ZFPM1: variants seen among roughly 807,000 people sequenced by gnomAD.
ZFPM1 encodes zinc finger protein ZFPM1.
A neutral mutation model predicts 46.3 loss-of-function variants in ZFPM1; 28 were observed. That is an observed-to-expected ratio of 0.60 (90% CI 0.45 to 0.83). ZFPM1 has a LOEUF of 0.83. ZFPM1 is among the 40% of genes least tolerant of loss of function. The pLI is 0.00. For synonymous variants in ZFPM1, 957 were observed against 675.9 expected (o/e 1.42, Z -6.45); for missense variants, 1,878 against 1,432.4 (o/e 1.31, Z -5.02).
At chr16:88,510,488 T>C (rs1418072918) in intron 3 of ZFPM1, among the ~76,000 whole-genome samples, 2 of 152,238 alleles carry the variant, frequency 1.3e-5, no homozygotes, top group Admixed American at 6.5e-5. Flanking sequence ...ACTTCTCATT[T>C]GGTTCCTCGC....
At chr16:88,515,522 G>C (rs1911242902) in intron 4 of ZFPM1, among the ~76,000 whole-genome samples, 1 of 152,258 alleles carries the variant, frequency 6.6e-6, no homozygotes, top group African/African-American at 2.4e-5. Flanking sequence ...CGTGGGCAGG[G>C]CTGCAAGCTT....
intron 3 of ZFPM1, among the ~76,000 whole-genome samples, chr16:88,509,959 G>C (rs562145363): frequency 6.6e-6 from 1 of 152,084 alleles, no homozygotes; most frequent in Admixed American, 6.5e-5. Context: ...CTGGGGCCTC[G>C]GGGGCAGAGC....
Position 88,533,188 on chromosome 16 carries a change from A to T in ZFPM1, c.1230A>T (p.Gln410His). The change falls in exon 10 of 10, where the codon CAA (glutamine) becomes CAT (histidine). Residue 410 changes from glutamine (Q) to histidine (H), a missense_variant. Gln to His is a conservative substitution (Grantham distance 24). Coordinates refer to ENST00000319555, the MANE Select transcript of ZFPM1 (RefSeq NM_153813.3). The part of the protein sequence containing the change: ...GSFQQQHTAL[Q>H]GPLASADLGL... Reference sequence around the variant, plus strand: ...TCCAGCAGCAGCACACGGCCCTGCAAGGCCCCCTGGCCTCCGCGGACCTGG... The same window carrying T: ...TCCAGCAGCAGCACACGGCCCTGCATGGCCCCCTGGCCTCCGCGGACCTGG... 6.5e-7 allele frequency: 1 copy of T among 1,534,120 alleles called. No individual in the cohort carries two copies. The highest frequency in any genetic ancestry group is 8.7e-7 in the Non-Finnish European group (1 of 1,150,352).
intron 4 of ZFPM1, among the ~76,000 whole-genome samples, chr16:88,515,214 T>C (rs1199294600): frequency 1.3e-5 from 2 of 152,240 alleles, no homozygotes; most frequent in East Asian, 1.9e-4. Flanking sequence ...GGCTGCATCA[T>C]GGGCGGCATA....
chr16:88,517,977 G>T (rs139273652), intron 4 of ZFPM1, among the ~76,000 whole-genome samples: 49 of 152,166 alleles, frequency 3.2e-4, no homozygotes, highest in African/African-American at 1.2e-3. Flanking sequence ...TTGGGAGGCC[G>T]AGGTGGGCGG....
intron 1 of ZFPM1, among the ~76,000 whole-genome samples, chr16:88,464,433 C>T (rs1205250949): frequency 1.3e-5 from 2 of 152,256 alleles, no homozygotes; most frequent in African/African-American, 2.4e-5. Flanking sequence ...CTGTCCCCAA[C>T]ACCACCTACC....
At chr16:88,503,009 T>C (rs1333837605) in intron 3 of ZFPM1, among the ~76,000 whole-genome samples, 3 of 152,226 alleles carry the variant, frequency 2.0e-5, no homozygotes, top group Non-Finnish European at 4.4e-5. Flanking sequence ...TGGAAGGCTG[T>C]GTGCGGTCTC....
At chr16:88,493,902 T>A (rs1424161670) in intron 3 of ZFPM1, among the ~76,000 whole-genome samples, 1 of 152,156 alleles carries the variant, frequency 6.6e-6, no homozygotes, top group Non-Finnish European at 1.5e-5. Context: ...CGCCACGGCT[T>A]CAAAGGAGGG....
At chr16:88,505,330 G>A (rs150601664) in intron 3 of ZFPM1, among the ~76,000 whole-genome samples, 1,929 of 152,284 alleles carry the variant, frequency 0.013, 45 homozygotes, top group African/African-American at 0.044. Context: ...CCTCCCCAGG[G>A]TCCTCTGGCT....
chr16:88,507,664 C>G (rs1032893386), intron 3 of ZFPM1, among the ~76,000 whole-genome samples: 1 of 152,228 alleles, frequency 6.6e-6, no homozygotes, highest in Non-Finnish European at 1.5e-5. Flanking sequence ...TGCCATCCAG[C>G]TCCGGCAGAT....
At chr16:88,521,470 G>A (rs896256191) in intron 4 of ZFPM1, among the ~76,000 whole-genome samples, 1 of 151,484 alleles carries the variant, frequency 6.6e-6, no homozygotes, top group Non-Finnish European at 1.5e-5. Flanking sequence ...GTGGGTCAGG[G>A]ACCCCCCGCT....
chr16:88,478,032 C>T (rs577665660), intron 1 of ZFPM1, among the ~76,000 whole-genome samples: 9 of 151,970 alleles, frequency 5.9e-5, no homozygotes, highest in African/African-American at 9.7e-5. Flanking sequence ...CACGAGCTCC[C>T]CATGGCAGGG....
At chr16:88,470,453 T>G (rs1166343385) in intron 1 of ZFPM1, among the ~76,000 whole-genome samples, 2 of 152,140 alleles carry the variant, frequency 1.3e-5, no homozygotes, top group African/African-American at 4.8e-5. Flanking sequence ...GCAGAACCAC[T>G]GGGGAGGCTG....
chr16:88,478,880 C>T (rs762483496), intron 1 of ZFPM1, among the ~76,000 whole-genome samples: 2 of 152,162 alleles, frequency 1.3e-5, no homozygotes, highest in Non-Finnish European at 2.9e-5. Context: ...TCGAGGGAAA[C>T]GGGGGTGGAG....
At chr16:88,492,493 C>T (rs1909635335) in intron 3 of ZFPM1, among the ~76,000 whole-genome samples, 1 of 152,176 alleles carries the variant, frequency 6.6e-6, no homozygotes, top group Non-Finnish European at 1.5e-5. Context: ...GTGACTGGGC[C>T]CTGAGTCTGT....
chr16:88,505,613 T>C (rs1910606634), intron 3 of ZFPM1, among the ~76,000 whole-genome samples: 1 of 152,228 alleles, frequency 6.6e-6, no homozygotes, highest in Admixed American at 6.5e-5. Context: ...CACGGTGCCA[T>C]GTGGGCTGGC....
Position 88,533,481 on chromosome 16 carries a change from C to T in ZFPM1, c.1523C>T (p.Thr508Met). The change falls in exon 10 of 10, where the codon ACG becomes ATG. Residue 508 changes from threonine (T) to methionine (M), a missense_variant. By Grantham distance (81) the Thr-to-Met change is moderately conservative (BLOSUM62 -1). Coordinates refer to ENST00000319555, the MANE Select transcript of ZFPM1 (RefSeq NM_153813.3). ...GTCAAGGCCGAGCTGTCCAGCCCCA[C>T]GCCGGGCTCCAGCCCGGTGCCCGGC... ...ARVKAELSSP[T>M]PGSSPVPGEL... The T allele has an allele frequency of 1.4e-6, 2 of 1,403,122 alleles. No individual in the cohort carries two copies. The highest frequency in any genetic ancestry group is 1.8e-6 in the Non-Finnish European group (2 of 1,085,530). 86.9% of individuals were successfully genotyped at this position (1,403,122 alleles called of 1,614,324 possible). A position where few individuals can be genotyped will look rare whatever the true frequency, so the allele number is the denominator to read the frequency against.
chr16:88,503,521 A>G (rs1910493201), intron 3 of ZFPM1, among the ~76,000 whole-genome samples: 1 of 149,694 alleles, frequency 6.7e-6, no homozygotes, highest in Non-Finnish European at 1.5e-5. Context: ...TTCTGCCTCC[A>G]GGGCTCCTCC....
At chr16:88,472,296 G>A (rs544205322) in intron 1 of ZFPM1, among the ~76,000 whole-genome samples, 2 of 152,066 alleles carry the variant, frequency 1.3e-5, no homozygotes, top group Non-Finnish European at 2.9e-5. Context: ...GCACCAGAGC[G>A]CCTGCTGCCA....
Sources: allele counts gnomAD v4.1 joint callset (sites outside exome capture counted in the v4.1 genomes callset), GRCh38; gene constraint gnomAD v4.1.1; transcripts MANE v1.5; gene names NCBI Gene and HGNC (gene_info 2026-07-23, HGNC 2026-07-21).